HERC1: variants seen among roughly 807,000 people sequenced by gnomAD.
HERC1 encodes the protein HECT and RLD domain containing E3 ubiquitin protein ligase family member 1, also known as probable E3 ubiquitin-protein ligase HERC1.
HERC1 carries 160 observed loss-of-function variants against 554.3 expected under a neutral mutation model. That is an observed-to-expected ratio of 0.29 (90% CI 0.25 to 0.33). HERC1 has a LOEUF of 0.33. Among genes scored for constraint, HERC1 ranks in the 10% least tolerant of loss-of-function variants. The pLI is 1.00. For missense variants in HERC1, 4,919 were observed against 5,918.5 expected (o/e 0.83, Z 5.54); for synonymous variants, 2,175 against 2,131.7 (o/e 1.02, Z -0.56).
chr15:63,808,030 A>C (rs941615246), intron 1 of HERC1, among the ~76,000 whole-genome samples: 3 of 151,954 alleles, frequency 2.0e-5, no homozygotes, highest in African/African-American at 7.3e-5. Flanking sequence ...TTCATCATAT[A>C]TCCCCTAAAG....
Position 63,692,657 on chromosome 15 carries a change from C to T in HERC1, c.5675-91G>A. Reference sequence around the variant, plus strand: ...ATTTACCTTGAAACTGCAGTAAGCACAAATCTAATGCAAAATCTTAGGCTG... The same window carrying T: ...ATTTACCTTGAAACTGCAGTAAGCATAAATCTAATGCAAAATCTTAGGCTG... On this transcript the variant is annotated intron_variant, in intron 30 of 77. Transcript: ENST00000443617. This position sits in a 1 kb window ranked among gnomAD's most constrained non-coding sequence, Gnocchi z 4.7. 9.2e-7 allele frequency: 1 copy of T among 1,090,518 alleles called. No homozygotes were observed. The highest frequency in any genetic ancestry group is 1.3e-6 in the Non-Finnish European group (1 of 783,156). The allele number at this position is 1,090,518 out of a possible 1,614,324, so 67.6% of individuals were successfully genotyped here.
chr15:63,699,020 A>G (rs749386316), intron 25 of HERC1, 24 bp from the exon 26 acceptor site: 28 of 1,577,614 alleles, frequency 1.8e-5, no homozygotes, highest in Admixed American at 3.5e-5. Flanking sequence ...GAATAAACAT[A>G]TATCAATGGC....
chr15:63,666,501 C>T (rs754891975), intron 40 of HERC1, 29 bp from the exon 41 acceptor site: 9 of 1,344,564 alleles, frequency 6.7e-6, no homozygotes, highest in Non-Finnish European at 4.2e-6. Flanking sequence ...AAATAAGAAC[C>T]TAAATATCAC....
intron 1 of HERC1, among the ~76,000 whole-genome samples, chr15:63,829,829 C>T (rs2146125271): frequency 6.6e-6 from 1 of 151,730 alleles, no homozygotes; most frequent in East Asian, 1.9e-4. Flanking sequence ...TAGAGGCCAA[C>T]CTGAAAGAGC....
intron 1 of HERC1, among the ~76,000 whole-genome samples, chr15:63,814,433 T>C (rs1207961027): frequency 1.3e-5 from 2 of 152,012 alleles, no homozygotes; most frequent in African/African-American, 4.8e-5. Context: ...ATAGACAACA[T>C]TAGCTTTGTG....
intron 2 of HERC1, among the ~76,000 whole-genome samples, chr15:63,766,068 T>C (rs2075766714): frequency 6.6e-6 from 1 of 152,084 alleles, no homozygotes; most frequent in Non-Finnish European, 1.5e-5. Flanking sequence ...TAACTCACTA[T>C]AGCCTCAACC....
intron 30 of HERC1, among the ~76,000 whole-genome samples, 176 bp downstream of exon 30, chr15:63,693,788 T>G (rs917363746): frequency 2.6e-5 from 4 of 152,162 alleles, no homozygotes; most frequent in African/African-American, 9.7e-5. Context: ...CAGAGATGTT[T>G]GGTCAGAAGC....
chr15:63,733,878 T>C (rs1437981119), intron 13 of HERC1, among the ~76,000 whole-genome samples: 1 of 150,660 alleles, frequency 6.6e-6, no homozygotes, highest in African/African-American at 2.5e-5. Flanking sequence ...AAATCACCTA[T>C]GGACCAGGCA....
chr15:63,684,148 A>T (rs2071622901), intron 34 of HERC1, among the ~76,000 whole-genome samples: 1 of 152,230 alleles, frequency 6.6e-6, no homozygotes, highest in Non-Finnish European at 1.5e-5. Flanking sequence ...ACACTCTTTA[A>T]GAGATTGTAT....
At chr15:63,657,713 A>G (rs2070124315) in intron 48 of HERC1, among the ~76,000 whole-genome samples, 1 of 152,192 alleles carries the variant, frequency 6.6e-6, no homozygotes, top group Non-Finnish European at 1.5e-5. Flanking sequence ...CAAGACCAAG[A>G]AGCAATTCTT....
In HERC1 at chr15:63,733,112, G is replaced by C. The variant is rs1183791661; in HGVS notation, c.2680C>G (p.Gln894Glu). The C allele has an allele frequency of 3.1e-6, 5 of 1,613,618 alleles. No individual in the cohort carries two copies. Among genetic ancestry groups the C allele is most frequent in the Non-Finnish European group, 4.2e-6 (5 of 1,179,564 alleles). ...MQLDIILTSL[Q>E]DHTHVASLLG... is the part of the protein sequence containing the mutation. ...AGGGAGGCTACGTGGGTATGATCTT[G>C]CAAACTTGTCAGGATGATATCCAGT... Residue 894 changes from glutamine to glutamate, a missense_variant, in exon 14 of 78, where the codon CAA becomes GAA. Physicochemically the swap from Gln to Glu is conservative, Grantham distance 29. Coordinates refer to ENST00000443617, the MANE Select transcript of HERC1 (RefSeq NM_003922.4).
chr15:63,716,131 C>A (rs534071197), intron 22 of HERC1, among the ~76,000 whole-genome samples, 171 bp downstream of exon 22: 1 of 152,290 alleles, frequency 6.6e-6, no homozygotes, highest in East Asian at 1.9e-4. Flanking sequence ...CAGAATAGTA[C>A]TAGCACAGTT....
intron 59 of HERC1, 37 bp downstream of exon 59, chr15:63,642,920 G>T: frequency 8.2e-7 from 1 of 1,223,784 alleles, no homozygotes; most frequent in Non-Finnish European, 1.2e-6. Context: ...TTCCTTACAA[G>T]CTTACACCCT....
intron 60 of HERC1, 129 bp downstream of exon 60, chr15:63,641,341 T>A (rs2069050848): frequency 1.4e-6 from 1 of 689,736 alleles, no homozygotes; most frequent in African/African-American, 1.8e-5. Context: ...TACCTTCATT[T>A]GATTCTGCCC....
rs1275401246 is a variant in HERC1 at position 63,747,871 on chromosome 15, A to G, written c.2220-13T>C. ...TGCAACAACTTGTCTAGAAGGACAC[A>G]TAAGAAAATAATAAAACAGTCTTAA... On this transcript the variant is annotated splice_polypyrimidine_tract_variant and intron_variant, in intron 10 of 77. Coordinates refer to ENST00000443617, the MANE Select transcript of HERC1 (RefSeq NM_003922.4). 14 of 1,528,072 alleles carry G rather than the reference A, an allele frequency of 9.2e-6. No homozygotes were observed. In the Admixed American group the frequency reaches 1.3e-4, roughly 15 times the overall value. The allele number at this position is 1,528,072 out of a possible 1,614,324, so 94.7% of individuals were successfully genotyped here.
At chr15:63,751,744 T>C (rs934056752) in intron 8 of HERC1, among the ~76,000 whole-genome samples, 6 of 152,180 alleles carry the variant, frequency 3.9e-5, no homozygotes, top group Admixed American at 2.6e-4. Flanking sequence ...CATATATATT[T>C]GATTTCATAT....
In HERC1 at chr15:63,630,035, A is replaced by G. The variant is rs535145904; in HGVS notation, c.12966+431T>C. Among the ~76,000 whole-genome samples the G allele has an allele frequency of 4.6e-5, 7 of 152,352 alleles. No homozygotes were observed. In the East Asian group the frequency reaches 1.3e-3, roughly 29 times the overall value. On this transcript the variant is annotated intron_variant, in intron 69 of 77. Coordinates refer to ENST00000443617, the MANE Select transcript of HERC1 (RefSeq NM_003922.4). ...ACCTAAAGATACTTTGTATGCCATC[A>G]TATTATAAAATATAAAAATATTATT...
At chr15:63,649,679 A>G in intron 54 of HERC1, 46 bp downstream of exon 54, 1 of 1,489,176 alleles carries the variant, frequency 6.7e-7, no homozygotes, top group Non-Finnish European at 9.3e-7. Context: ...AAGTCTAGAA[A>G]GGAAGTTGGA....
At chr15:63,767,294 C>T (rs980563413) in intron 2 of HERC1, among the ~76,000 whole-genome samples, 74 of 152,088 alleles carry the variant, frequency 4.9e-4, no homozygotes, top group Middle Eastern at 3.4e-3. Context: ...TGAGCCACCG[C>T]GCCTGGCCTA....
Sources: allele counts gnomAD v4.1 joint callset (sites outside exome capture counted in the v4.1 genomes callset), GRCh38; gene constraint gnomAD v4.1.1; non-coding constraint Gnocchi (gnomAD v3.1); transcripts MANE v1.5; gene names NCBI Gene and HGNC (gene_info 2026-07-23, HGNC 2026-07-21).